Variants in CSMD1 observed in about 807,000 individuals in gnomAD.
The protein encoded by CSMD1 is CUB and sushi domain-containing protein 1.
In CSMD1, 213 loss-of-function variants were observed where a neutral mutation model predicts 417.5. The ratio of observed to expected loss-of-function variants is 0.51; its 90% CI spans 0.46 to 0.57. The LOEUF (loss-of-function observed/expected upper bound fraction) is 0.57, where lower values mean the gene tolerates loss of function less well. Among genes scored for constraint, CSMD1 ranks in the 20% least tolerant of loss-of-function variants. CSMD1 has a pLI of 0.00. For missense variants in CSMD1, 6,923 were observed against 4,529.7 expected, an observed-to-expected ratio of 1.53 and a Z score of -15.17; for synonymous variants, 2,862 against 1,736.8, an observed-to-expected ratio of 1.65 and a Z score of -16.11.
intron 7 of CSMD1, among the ~76,000 whole-genome samples, chr8:3,620,020 T>G (rs1185744727): frequency 1.3e-5 from 2 of 152,100 alleles, no homozygotes; most frequent in Non-Finnish European, 2.9e-5. Context: ...GAGAATAGCT[T>G]GAACCTGGGA....
chr8:4,268,427 T>C (rs998615195), intron 3 of CSMD1, among the ~76,000 whole-genome samples: 2 of 152,196 alleles, frequency 1.3e-5, no homozygotes, highest in Non-Finnish European at 2.9e-5. Context: ...CCAATTGTTG[T>C]TTATAGCTCA....
At chr8:3,369,889 C>G (rs776331974) in intron 18 of CSMD1, among the ~76,000 whole-genome samples, 1 of 152,182 alleles carries the variant, frequency 6.6e-6, no homozygotes, top group African/African-American at 2.4e-5. Context: ...AGTTCAAATG[C>G]CAGCTCAGCT....
chr8:3,764,739 CTTTTTTTTTTTTT>C (rs66603480), intron 5 of CSMD1, among the ~76,000 whole-genome samples: 1 of 129,788 alleles, frequency 7.7e-6, no homozygotes, highest in East Asian at 2.2e-4. Flanking sequence ...TTTTCTCTTT[CTTTTTTTTTTTTT>C]TTTTTTTATT....
rs557402926 is a variant in CSMD1 at position 3,404,947 on chromosome 8, G to GA, written c.2266+1079dup. Among the ~76,000 whole-genome samples, 58 of 151,920 alleles carry GA rather than the reference G, an allele frequency of 3.8e-4. 1 individual carries two copies. The highest frequency in any genetic ancestry group is 1.3e-3 in the African/African-American group (52 of 41,440). On this transcript the variant is annotated intron_variant, in intron 15 of 69. Coordinates refer to ENST00000635120, the MANE Select transcript of CSMD1 (RefSeq NM_033225.6). ...AAATAGTCTTGCAGAAAACATTCTTGAAAAAAACCTGTATAGTTGCTTATT... is the reference window on the plus strand; with the variant it reads ...AAATAGTCTTGCAGAAAACATTCTTGAAAAAAAACCTGTATAGTTGCTTATT...
intron 5 of CSMD1, among the ~76,000 whole-genome samples, chr8:3,980,119 G>T (rs1359556039): frequency 7.5e-6 from 1 of 133,726 alleles, no homozygotes; most frequent in Non-Finnish European, 1.6e-5. Flanking sequence ...TAGAAAATAG[G>T]TTTTATCATT....
chr8:3,968,313 G>A (rs2407195), intron 5 of CSMD1, among the ~76,000 whole-genome samples: 36,721 of 151,970 alleles, frequency 0.24, 4,571 homozygotes, highest in East Asian at 0.35. Flanking sequence ...GGCAGCATGA[G>A]TATTGCCTGG....
chr8:3,967,215 C>A (rs935783783), intron 5 of CSMD1, among the ~76,000 whole-genome samples: 1 of 151,968 alleles, frequency 6.6e-6, no homozygotes, highest in Non-Finnish European at 1.5e-5. Flanking sequence ...TTTGCTCTTC[C>A]CCACTTCAGC....
rs750877936 is a variant in CSMD1 at position 3,569,858 on chromosome 8, CA to C, written c.1344+5086del. Among the ~76,000 whole-genome samples, 216 of 152,084 alleles carry C rather than the reference CA, an allele frequency of 1.4e-3. 1 individual carries two copies. Among genetic ancestry groups the C allele is most frequent in the Non-Finnish European group, 1.3e-3 (88 of 68,012 alleles). Reference sequence around the variant, plus strand: ...AAGAGTATTGGTTGTGCGGGTATGTCAACCTGGAATACCTTGTTTCTTCTCT... The same window carrying C: ...AAGAGTATTGGTTGTGCGGGTATGTCACCTGGAATACCTTGTTTCTTCTCT... On this transcript the variant is annotated intron_variant, in intron 10 of 69. Transcript: ENST00000635120.
At chr8:4,049,783 C>G (rs1025461631) in intron 3 of CSMD1, among the ~76,000 whole-genome samples, 5 of 152,054 alleles carry the variant, frequency 3.3e-5, no homozygotes, top group African/African-American at 1.2e-4. Context: ...GCCCGTTTTC[C>G]TTACTGTTAG....
intron 10 of CSMD1, among the ~76,000 whole-genome samples, chr8:3,500,236 T>G (rs551640255): frequency 7.3e-4 from 111 of 152,314 alleles, no homozygotes; most frequent in Non-Finnish European, 1.3e-4. Context: ...ACTTGACATG[T>G]GCTTACCTAC....
intron 8 of CSMD1, among the ~76,000 whole-genome samples, chr8:3,608,094 C>G (rs915097620): frequency 2.0e-5 from 3 of 151,312 alleles, no homozygotes; most frequent in Admixed American, 2.0e-4. Context: ...ATTGTTTGAA[C>G]CTGGGAGGTG....
chr8:3,011,006 G>T (rs4875860), intron 52 of CSMD1, among the ~76,000 whole-genome samples: 1 of 151,906 alleles, frequency 6.6e-6, no homozygotes, highest in Admixed American at 6.6e-5. Flanking sequence ...GATTACAGGC[G>T]TGAGCCACCG....
Position 3,408,191 on chromosome 8 carries a change from C to T in CSMD1, c.1779G>A (p.Gly593=), listed in dbSNP as rs1285255643. Reference sequence around the variant, plus strand: ...CTGGATAATTTGGTGACAGAATAATCCCAGATGATGCCGTAAAGTTGAAGA... The same window carrying T: ...CTGGATAATTTGGTGACAGAATAATTCCAGATGATGCCGTAAAGTTGAAGA... The part of the protein sequence containing the change: ...SCFFNFTASS[G]IILSPNYPEE... The change falls in exon 14 of 70, where the codon GGG becomes GGA. Residue 593 remains glycine (G), a synonymous_variant. Coordinates refer to ENST00000635120, the MANE Select transcript of CSMD1 (RefSeq NM_033225.6). 6.2e-7 allele frequency: 1 copy of T among 1,609,582 alleles called. No homozygotes were observed. The highest frequency in any genetic ancestry group is 8.5e-7 in the Non-Finnish European group (1 of 1,177,384).
chr8:4,417,880 G>A (rs576526787), intron 3 of CSMD1, among the ~76,000 whole-genome samples: 10 of 152,066 alleles, frequency 6.6e-5, no homozygotes, highest in Admixed American at 3.3e-4. Flanking sequence ...TCCTTGGAAA[G>A]TAATAGTTGT....
intron 1 of CSMD1, among the ~76,000 whole-genome samples, chr8:4,681,351 A>G (rs1049933618): frequency 6.6e-6 from 1 of 152,182 alleles, no homozygotes; most frequent in Non-Finnish European, 1.5e-5. Flanking sequence ...GAAACCACCA[A>G]TATGGTTTGC....
At chr8:3,820,179 A>C (rs1801648412) in intron 5 of CSMD1, among the ~76,000 whole-genome samples, 1 of 152,144 alleles carries the variant, frequency 6.6e-6, no homozygotes, top group African/African-American at 2.4e-5. Context: ...TGCTCTCCAA[A>C]GTGCTGGGTG....
intron 5 of CSMD1, among the ~76,000 whole-genome samples, chr8:3,794,447 G>C (rs1382917926): frequency 1.3e-5 from 2 of 151,996 alleles, no homozygotes; most frequent in Non-Finnish European, 2.9e-5. Flanking sequence ...CATAGAATCA[G>C]TACTTATAAA....
intron 2 of CSMD1, among the ~76,000 whole-genome samples, chr8:4,432,564 G>T (rs1021621356): frequency 6.6e-6 from 1 of 152,138 alleles, no homozygotes; most frequent in Non-Finnish European, 1.5e-5. Flanking sequence ...ACACCCTTAT[G>T]ACTTAAAGAC....
chr8:4,261,608 C>T (rs62481961), intron 3 of CSMD1, among the ~76,000 whole-genome samples: 12,682 of 151,888 alleles, frequency 0.083, 691 homozygotes, highest in East Asian at 0.15. Context: ...TGAGGTCTTG[C>T]TATGTTGCGC....
Sources: gnomAD v4.1 joint callset for allele counts (sites outside exome capture counted in the v4.1 genomes callset) on GRCh38, gnomAD v4.1.1 for gene constraint, MANE v1.5 for transcripts, NCBI Gene and HGNC (gene_info 2026-07-23, HGNC 2026-07-21) for gene names.